Variants in QSOX2 observed in about 807,000 individuals in gnomAD.
QSOX2 encodes the protein sulfhydryl oxidase 2.
A neutral mutation model predicts 61.7 loss-of-function variants in QSOX2; 46 were observed. The observed-to-expected ratio is 0.75, with a 90% CI of 0.59 to 0.95. QSOX2 has a LOEUF of 0.95. Ranked by LOEUF, QSOX2 falls within the 40% of genes least tolerant of loss-of-function variation. The probability of loss-of-function intolerance (pLI) is 0.00; values close to 1 mark genes in which losing one functional copy is unlikely to be tolerated. For synonymous variants in QSOX2, 383 were observed against 388.4 expected, an observed-to-expected ratio of 0.99 and a Z score of 0.16; for missense variants, 879 against 918.9, an observed-to-expected ratio of 0.96 and a Z score of 0.56.
chr9:136,212,006 G>A (rs1831852472), intron 10 of QSOX2, among the ~76,000 whole-genome samples: 1 of 152,246 alleles, frequency 6.6e-6, no homozygotes, highest in Non-Finnish European at 1.5e-5. Flanking sequence ...TTAAGCTGCC[G>A]CCAGCCACGG....
chr9:136,214,699 T>C (rs1201416627), intron 10 of QSOX2, among the ~76,000 whole-genome samples: 1 of 152,214 alleles, frequency 6.6e-6, no homozygotes, highest in African/African-American at 2.4e-5. Context: ...AGGACCCAGA[T>C]GAGGCCATGC....
In QSOX2 at chr9:136,210,252, T is replaced by G. The variant is rs571469069; in HGVS notation, c.1550-977A>C. 7 of 985,456 alleles carry G rather than the reference T, an allele frequency of 7.1e-6. No homozygotes were observed. In the Admixed American group the frequency reaches 3.7e-4, roughly 52 times the overall value. The allele number at this position is 985,456 out of a possible 1,614,324, so 61.0% of individuals were successfully genotyped here. On this transcript the variant is annotated intron_variant, in intron 11 of 11. Coordinates refer to ENST00000358701, the MANE Select transcript of QSOX2 (RefSeq NM_181701.4). ...ACCCCAGGCACATCTCCGAGGGGCC[T>G]CCCAGGAGCTTGGGTCTCAATGCAC...
chr9:136,216,534 A>G, intron 9 of QSOX2, 66 bp downstream of exon 9: 1 of 1,587,566 alleles, frequency 6.3e-7, no homozygotes, highest in Admixed American at 1.7e-5. Flanking sequence ...TGCACCAGCT[A>G]AGGGCAAGGG....
At chr9:136,217,866 A>G (rs1299546663) in intron 8 of QSOX2, among the ~76,000 whole-genome samples, 1 of 152,258 alleles carries the variant, frequency 6.6e-6, no homozygotes, top group East Asian at 1.9e-4. Context: ...CGTGGGGGAA[A>G]AAGCTGCCTG....
In QSOX2 at chr9:136,245,626, C is replaced by G. The variant is rs530894426; in HGVS notation, c.178G>C (p.Glu60Gln). The change falls in exon 1 of 12, where the codon GAG becomes CAG. Residue 60 changes from glutamate to glutamine, a missense_variant. Transcript: ENST00000358701. Reference protein sequence around the residue: ...GGAARLYRAGEDAVWVLDSGS... With the variant: ...GGAARLYRAGQDAVWVLDSGS... ...CTGTCCAGCACCCACACGGCGTCCTCGCCCGCGCGGTACAGCCGCGCCGCA... is the reference window on the plus strand; with the variant it reads ...CTGTCCAGCACCCACACGGCGTCCTGGCCCGCGCGGTACAGCCGCGCCGCA... The G allele has an allele frequency of 1.3e-5, 20 of 1,511,046 alleles. No homozygotes were observed. In the South Asian group the frequency reaches 2.3e-4, roughly 18 times the overall value. 93.6% of individuals were successfully genotyped at this position (1,511,046 alleles called of 1,614,324 possible).
In QSOX2 at chr9:136,209,041, G is replaced by A. The variant is rs1017268392; in HGVS notation, c.1784C>T (p.Thr595Ile). The A allele has an allele frequency of 5.0e-6, 8 of 1,614,004 alleles. No homozygotes were observed. The African/African-American group carries it at 5.3e-5, about 11-fold the overall frequency. The change falls in exon 12 of 12, where the codon ACT (threonine) becomes ATT (isoleucine). Residue 595 changes from threonine (T) to isoleucine (I), a missense_variant. Coordinates refer to ENST00000358701, the MANE Select transcript of QSOX2 (RefSeq NM_181701.4). This position sits in a 1 kb window ranked among gnomAD's most constrained non-coding sequence, Gnocchi z 5.6. Reference sequence around the variant, plus strand: ...GTCTCCATGGGACACCTCTGGGGGAGTGAGTCTTTTCTCCTCTTCCTCACC... The same window carrying A: ...GTCTCCATGGGACACCTCTGGGGGAATGAGTCTTTTCTCCTCTTCCTCACC... ...ARGEEEEKRL[T>I]PPEVSHGDRD... is the part of the protein sequence containing the mutation.
At chr9:136,219,192 G>A (rs755074019) in intron 6 of QSOX2, 28 bp from the exon 7 acceptor site, 2 of 1,602,672 alleles carry the variant, frequency 1.2e-6, no homozygotes, top group Middle Eastern at 1.7e-4. Flanking sequence ...GCAAAGGTGA[G>A]AAGAGCCTCC....
chr9:136,211,561 AC>A, intron 10 of QSOX2, 109 bp from the exon 11 acceptor site: 1 of 1,069,850 alleles, frequency 9.3e-7, no homozygotes, highest in South Asian at 1.5e-5. Flanking sequence ...TCGGGAAGCC[AC>A]CTCATGTCTC....
rs1564288355 is a variant in QSOX2 at position 136,209,142 on chromosome 9, G to C, written c.1683C>G (p.His561Gln). The C allele has an allele frequency of 6.2e-7, 1 of 1,614,198 alleles. No homozygotes were observed. Among genetic ancestry groups the C allele is most frequent in the Non-Finnish European group, 8.5e-7 (1 of 1,180,046 alleles). The part of the protein sequence containing the change: ...EGHVLTFLKQ[H>Q]YGRDNLLDTY... ...TGTCTAAGAGGTTGTCGCGGCCATAGTGCTGCTTCAAGAATGTGAGCACGT... is the reference window on the plus strand; with the variant it reads ...TGTCTAAGAGGTTGTCGCGGCCATACTGCTGCTTCAAGAATGTGAGCACGT... The change falls in exon 12 of 12, where the codon CAC becomes CAG. Residue 561 changes from histidine (H) to glutamine (Q), a missense_variant. Coordinates refer to ENST00000358701, the MANE Select transcript of QSOX2 (RefSeq NM_181701.4). This position sits in a 1 kb window ranked among gnomAD's most constrained non-coding sequence, Gnocchi z 5.6.
rs80043192 is a variant in QSOX2, at chr9:136,225,052, C to T, written c.430-143G>A. On this transcript the variant is annotated intron_variant, in intron 2 of 11. Coordinates refer to ENST00000358701, the MANE Select transcript of QSOX2 (RefSeq NM_181701.4). ...TTTCATAAATTAATGACAAACCACA[C>T]GCTTCTCCTTGTCTTTGTGCATATT... 6.3e-3 allele frequency: 3,648 copies of T among 580,128 alleles called. 100 individuals carry two copies. Among genetic ancestry groups the T allele is most frequent in the African/African-American group, 0.063 (3,252 of 51,908 alleles). The allele number at this position is 580,128 out of a possible 1,614,324, so 35.9% of individuals were successfully genotyped here.
At position 136,211,450 on chromosome 9, in the gene QSOX2, A is replaced by C. The variant is rs1409257204; in HGVS notation, c.1363T>G (p.Phe455Val). The C allele has an allele frequency of 6.2e-7, 1 of 1,613,468 alleles. No homozygotes were observed. The highest frequency in any genetic ancestry group is 1.1e-5 in the South Asian group (1 of 91,082). The stretch of plus-strand genomic sequence containing the variant: ...AGCACAGCCTGGGGGTCGTCTTCAA[A>C]GCCTGCAGGGGAAGAAACACTGCTG... ...THPDALVGTGFEDDPQAVLQT... is the reference protein window; with the variant it reads ...THPDALVGTGVEDDPQAVLQT... The change falls in exon 11 of 12, where the codon TTT becomes GTT. Residue 455 changes from phenylalanine to valine, a missense_variant and splice_region_variant. Coordinates refer to ENST00000358701, the MANE Select transcript of QSOX2 (RefSeq NM_181701.4).
At position 136,242,022 on chromosome 9, in the gene QSOX2, C is replaced by G. The variant is rs181598125; in HGVS notation, c.328+3454G>C. 2.0e-4 allele frequency among the ~76,000 whole-genome samples: 31 copies of G among 152,342 alleles called. No homozygotes were observed. In the East Asian group the frequency reaches 6.0e-3, roughly 29 times the overall value. ...GCCCCAGGCCCTGGTGCCTCATCTT[C>G]CATCACAAACCCAGCAACCATCACT... is the stretch of plus-strand genomic sequence containing the variant. On this transcript the variant is annotated intron_variant, in intron 1 of 11. Coordinates refer to ENST00000358701, the MANE Select transcript of QSOX2 (RefSeq NM_181701.4).
At chr9:136,244,405 A>T (rs1366248844) in intron 1 of QSOX2, among the ~76,000 whole-genome samples, 1 of 152,230 alleles carries the variant, frequency 6.6e-6, no homozygotes, top group Non-Finnish European at 1.5e-5. Context: ...TAACATACAA[A>T]AGCCCTACTT....
Position 136,208,737 on chromosome 9 carries a change from C to G in QSOX2, c.2088G>C (p.Pro696=). 1 of 1,606,452 alleles carries G rather than the reference C, an allele frequency of 6.2e-7. No individual in the cohort carries two copies. The highest frequency in any genetic ancestry group is 8.5e-7 in the Non-Finnish European group (1 of 1,174,746). The change falls in exon 12 of 12, where the codon CCG becomes CCC. Residue 696 remains proline, a synonymous_variant. Transcript: ENST00000358701. ...SRRWKVKHHH[P]AV ...GGCAGCACCCGGGCACTCACACGGC[C>G]GGGTGGTGGTGCTTGACCTTCCACC... is the stretch of plus-strand genomic sequence containing the variant.
chr9:136,217,200 T>G (rs1466585296), intron 8 of QSOX2, among the ~76,000 whole-genome samples: 2 of 152,268 alleles, frequency 1.3e-5, no homozygotes, highest in Non-Finnish European at 2.9e-5. Flanking sequence ...GCTAACTGCC[T>G]ATGGGCTTGT....
In QSOX2 at chr9:136,209,665, A is replaced by G; in HGVS notation, c.1550-390T>C. 1 of 983,894 alleles carries G rather than the reference A, an allele frequency of 1.0e-6. No individual in the cohort carries two copies. Among genetic ancestry groups the G allele is most frequent in the South Asian group, 4.7e-5 (1 of 21,196 alleles). 60.9% of individuals were successfully genotyped at this position (983,894 alleles called of 1,614,324 possible). Reference sequence around the variant, plus strand: ...GTGCTGCCTGTGTGCCCCTCCCCCCACTGCTGCCCCTCTGCCCTTTCCTGA... The same window carrying G: ...GTGCTGCCTGTGTGCCCCTCCCCCCGCTGCTGCCCCTCTGCCCTTTCCTGA... On this transcript the variant is annotated intron_variant, in intron 11 of 11. Coordinates refer to ENST00000358701, the MANE Select transcript of QSOX2 (RefSeq NM_181701.4). The surrounding 1 kb of genome is among the most constrained non-coding windows in gnomAD (Gnocchi z 5.6).
chr9:136,224,112 C>T lies in QSOX2; in HGVS notation c.479G>A (p.Gly160Glu), dbSNP rs758145655. ...GACTGTTCGCAGCTCTCGGTCAGGT[C>T]CTGCCGGAAGCACACCAGGGTCAGA... ...KEFTTGENFK[G>E]PDRELRTVRQ... Residue 160 changes from glycine to glutamate, a missense_variant and splice_region_variant, in exon 4 of 12, where the codon GGA becomes GAA. Physicochemically the swap from Gly to Glu is moderately conservative, Grantham distance 98 (BLOSUM62 -2). Transcript: ENST00000358701. 1 of 1,613,118 alleles carries T rather than the reference C, an allele frequency of 6.2e-7. No homozygotes were observed. The highest frequency in any genetic ancestry group is 1.7e-5 in the Admixed American group (1 of 59,980).
chr9:136,216,834 C>T, intron 8 of QSOX2, 112 bp from the exon 9 acceptor site: 1 of 1,348,888 alleles, frequency 7.4e-7, no homozygotes, highest in Non-Finnish European at 1.0e-6. Flanking sequence ...AGGGGCTGAA[C>T]CTAGGATGGG....
intron 1 of QSOX2, among the ~76,000 whole-genome samples, chr9:136,229,716 T>C (rs1380669151): frequency 6.6e-6 from 1 of 152,192 alleles, no homozygotes; most frequent in Non-Finnish European, 1.5e-5. Flanking sequence ...TCTGGTCCCA[T>C]CTGTGGTTTC....
Sources: allele counts gnomAD v4.1 joint callset (sites outside exome capture counted in the v4.1 genomes callset), GRCh38; gene constraint gnomAD v4.1.1; non-coding constraint Gnocchi (gnomAD v3.1); transcripts MANE v1.5; gene names NCBI Gene and HGNC (gene_info 2026-07-23, HGNC 2026-07-21).